FADS6: variants seen among roughly 807,000 people sequenced by gnomAD.
FADS6 encodes fatty acid desaturase domain family, member 6.
A neutral mutation model predicts 31.7 loss-of-function variants in FADS6; 28 were observed. That is an observed-to-expected ratio of 0.88 (90% CI 0.66 to 1.21). The LOEUF is 1.21. Ranked by LOEUF, FADS6 falls within the 50% of genes most tolerant of loss-of-function variation. The pLI is 0.00. For synonymous variants in FADS6, 191 were observed against 213.1 expected (o/e 0.90, Z 0.90); for missense variants, 494 against 504.2 (o/e 0.98, Z 0.19).
In FADS6 at chr17:74,882,648, G is replaced by A; in HGVS notation, c.474C>T (p.Tyr158=). ...AGTCCCCCAGGCCCACCACGTTGGT[G>A]TAGGCATGGTGCATCTTGACGTGCC... The part of the protein sequence containing the change: ...THGHVKMHHA[Y]TNVVGLGDSS... Residue 158 remains tyrosine, a synonymous_variant, in exon 3 of 6, where the codon TAC becomes TAT. Coordinates refer to ENST00000612771, the MANE Select transcript of FADS6 (RefSeq NM_178128.6). 4 of 1,611,646 alleles carry A rather than the reference G, an allele frequency of 2.5e-6. No homozygotes were observed. The highest frequency in any genetic ancestry group is 3.4e-6 in the Non-Finnish European group (4 of 1,179,088).
At chr17:74,882,317 CAAGTT>C (rs1463992620) in intron 3 of FADS6, among the ~76,000 whole-genome samples, 6 of 152,360 alleles carry the variant, frequency 3.9e-5, no homozygotes, top group East Asian at 1.9e-4. Flanking sequence ...GAGGCTCAGA[CAAGTT>C]AAGTTATCTG....
chr17:74,888,159 C>CGGGA (rs2038648734), intron 2 of FADS6, among the ~76,000 whole-genome samples: 1 of 95,198 alleles, frequency 1.1e-5, no homozygotes. Context: ...CACACACGCG[C>CGGGA]GCGCGCGCGC....
At chr17:74,890,237 C>T (rs981303189) in intron 2 of FADS6, among the ~76,000 whole-genome samples, 2 of 152,100 alleles carry the variant, frequency 1.3e-5, no homozygotes, top group Non-Finnish European at 2.9e-5. Context: ...GGATTACAGG[C>T]GTGAGCCCCA....
rs771227913 is a variant in FADS6 at position 74,892,524 on chromosome 17, T to A, written c.410A>T (p.Glu137Val). 2 of 1,611,684 alleles carry A rather than the reference T, an allele frequency of 1.2e-6. No homozygotes were observed. Among genetic ancestry groups the A allele is most frequent in the East Asian group, 4.5e-5 (2 of 44,846 alleles). Residue 137 changes from glutamate to valine, a missense_variant and splice_region_variant, in exon 2 of 6, where the codon GAG becomes GTG. Physicochemically the swap from Glu to Val is moderately radical, Grantham distance 121. This residue lies in a region of FADS6 where 454 missense variants were observed against 438.5 expected (regional missense o/e 1.04). Coordinates refer to ENST00000612771, the MANE Select transcript of FADS6 (RefSeq NM_178128.6). ...GCATCCTCCTTCTCCCAGGCTCACC[T>A]CCACAAAGAAAAGCAGCCAGATCTT... Reference protein sequence around the residue: ...WSKIWLLFFVEVCTAFTAEHA... With the variant: ...WSKIWLLFFVVVCTAFTAEHA...
At position 74,881,747 on chromosome 17, in the gene FADS6, A is replaced by AAT. The variant is rs1384591969; in HGVS notation, c.593-493_593-492insAT. Among the ~76,000 whole-genome samples, 42 of 149,812 alleles carry AAT rather than the reference A, an allele frequency of 2.8e-4. 2 individuals carry two copies. In the South Asian group the frequency reaches 8.8e-3, roughly 31 times the overall value. ...GCAAGACTCTGAAAAAAAAAAAAAA[A>AAT]GAAAGAAAAGAAAAGAAAAAGAAAC... On this transcript the variant is annotated intron_variant, in intron 3 of 5. Coordinates refer to ENST00000612771, the MANE Select transcript of FADS6 (RefSeq NM_178128.6).
chr17:74,892,824 C>A (rs897999803), intron 1 of FADS6, 135 bp from the exon 2 acceptor site: 4 of 866,910 alleles, frequency 4.6e-6, no homozygotes, highest in Non-Finnish European at 6.9e-6. Context: ...CGGAGTGAGG[C>A]AGGTCCCACT....
In FADS6 at chr17:74,878,085, C is replaced by T. The variant is rs1286453024; in HGVS notation, c.*246G>A. The T allele has an allele frequency of 5.1e-6, 7 of 1,362,666 alleles. No homozygotes were observed. The Admixed American group carries it at 1.3e-4, about 25-fold the overall frequency. The allele number at this position is 1,362,666 out of a possible 1,614,324, so 84.4% of individuals were successfully genotyped here. Reference sequence around the variant, plus strand: ...AGTCCTGAGATGAAGTTGCTGAGGTCCAGACTGACCAGAATGCACAGCCAC... The same window carrying T: ...AGTCCTGAGATGAAGTTGCTGAGGTTCAGACTGACCAGAATGCACAGCCAC... On this transcript the variant is annotated 3_prime_UTR_variant, in exon 6 of 6. Coordinates refer to ENST00000612771, the MANE Select transcript of FADS6 (RefSeq NM_178128.6).
At chr17:74,888,396 T>A (rs985281275) in intron 2 of FADS6, among the ~76,000 whole-genome samples, 1 of 152,066 alleles carries the variant, frequency 6.6e-6, no homozygotes, top group Admixed American at 6.6e-5. Context: ...ATTAAAAAAA[T>A]AAGAAGTTGT....
rs772664436 is a variant in FADS6, at chr17:74,879,586, G to A, written c.781-3C>T. ...GAGAACATGGGCAGTCCGATGTGCT[G>A]TGACAGACACGTGGGTCACGCCGGG... On this transcript the variant is annotated splice_polypyrimidine_tract_variant and splice_region_variant and intron_variant, in intron 4 of 5. Coordinates refer to ENST00000612771, the MANE Select transcript of FADS6 (RefSeq NM_178128.6). The A allele has an allele frequency of 1.9e-5, 30 of 1,609,262 alleles. No homozygotes were observed. The Admixed American group carries it at 4.7e-4, about 25-fold the overall frequency.
At chr17:74,892,424 GGC>G (rs1389403581) in intron 2 of FADS6, 97 bp downstream of exon 2, 119 of 1,425,406 alleles carry the variant, frequency 8.3e-5, no homozygotes, top group Non-Finnish European at 1.1e-4. Flanking sequence ...TGCCCCCGTG[GGC>G]ACATGCACAG....
chr17:74,886,482 A>C (rs2038625097), intron 2 of FADS6, among the ~76,000 whole-genome samples: 2 of 144,840 alleles, frequency 1.4e-5, no homozygotes, highest in South Asian at 2.2e-4. Context: ...AAAAAAAAAA[A>C]ACTAAAAGAG....
At chr17:74,892,796 C>G in intron 1 of FADS6, 107 bp from the exon 2 acceptor site, 1 of 1,153,934 alleles carries the variant, frequency 8.7e-7, no homozygotes. Context: ...GGGCTAGGCT[C>G]TGGGGGCTGC....
intron 2 of FADS6, among the ~76,000 whole-genome samples, chr17:74,885,763 C>T (rs1398993889): frequency 6.6e-6 from 1 of 152,198 alleles, no homozygotes; most frequent in Non-Finnish European, 1.5e-5. Context: ...TCTGCCTTGT[C>T]TGCCTCAAAT....
intron 2 of FADS6, among the ~76,000 whole-genome samples, chr17:74,888,164 G>GCA (rs1267642106): frequency 9.7e-4 from 146 of 149,892 alleles, no homozygotes; most frequent in African/African-American, 2.7e-3. Context: ...ACGCGCGCGC[G>GCA]CGCGCGCGCA....
intron 1 of FADS6, 47 bp downstream of exon 1, chr17:74,893,305 C>T: frequency 4.1e-6 from 6 of 1,480,274 alleles, no homozygotes; most frequent in Non-Finnish European, 5.3e-6. Context: ...CCGCACCCCG[C>T]CCCCACCCGC....
At position 74,888,329 on chromosome 17, in the gene FADS6, T is replaced by C. The variant is rs146674910; in HGVS notation, c.411+4194A>G. ...ATTATTTTAAAAATAAAAAAGCTTT[T>C]ACAAAAGTATATTTTGTACTGCAAA... On this transcript the variant is annotated intron_variant, in intron 2 of 5. Coordinates refer to ENST00000612771, the MANE Select transcript of FADS6 (RefSeq NM_178128.6). 2.2e-4 allele frequency among the ~76,000 whole-genome samples: 34 copies of C among 152,244 alleles called. 1 individual carries two copies. The East Asian group carries it at 4.2e-3, about 19-fold the overall frequency.
chr17:74,880,792 CCT>C (rs1381318914), intron 4 of FADS6, among the ~76,000 whole-genome samples: 1 of 152,180 alleles, frequency 6.6e-6, no homozygotes, highest in Non-Finnish European at 1.5e-5. Flanking sequence ...CCTGTTCACC[CCT>C]GATTTCCTAG....
At chr17:74,878,584 G>A (rs1170932529) in intron 5 of FADS6, 107 bp from the exon 6 acceptor site, 12 of 1,376,072 alleles carry the variant, frequency 8.7e-6, no homozygotes, top group East Asian at 2.3e-5. Context: ...AGTTCCTATC[G>A]GCCTTGTTCC....
chr17:74,879,692 T>C (rs1263457269), intron 4 of FADS6, 109 bp from the exon 5 acceptor site: 11 of 1,167,952 alleles, frequency 9.4e-6, no homozygotes, highest in East Asian at 2.6e-5. Context: ...CCACCTCCCA[T>C]GTGGGGGGAC....
Sources: allele counts gnomAD v4.1 joint callset (sites outside exome capture counted in the v4.1 genomes callset), GRCh38; gene constraint gnomAD v4.1.1; regional missense constraint gnomAD v4.1.1; transcripts MANE v1.5; gene names NCBI Gene and HGNC (gene_info 2026-07-23, HGNC 2026-07-21).